Variants in ENOX1 observed in about 807,000 individuals in gnomAD.
ENOX1 encodes ecto-NOX disulfide-thiol exchanger 1.
In ENOX1, 42 loss-of-function variants were observed where a neutral mutation model predicts 82.5. The observed-to-expected ratio is 0.51, with a 90% CI of 0.40 to 0.66. The LOEUF is 0.66. ENOX1 is among the 30% of genes least tolerant of loss of function. The probability of loss-of-function intolerance (pLI) is 0.00; values close to 1 mark genes in which losing one functional copy is unlikely to be tolerated. For missense variants in ENOX1, 608 were observed against 811.6 expected (o/e 0.75, Z 3.05); for synonymous variants, 271 against 282.2 (o/e 0.96, Z 0.40).
At chr13:43,452,080 T>C (rs989240201) in intron 3 of ENOX1, among the ~76,000 whole-genome samples, 1 of 151,772 alleles carries the variant, frequency 6.6e-6, no homozygotes, top group African/African-American at 2.4e-5. Flanking sequence ...ACAGTACGTA[T>C]TAAATGCTTC....
intron 2 of ENOX1, among the ~76,000 whole-genome samples, chr13:43,507,924 C>CTA (rs1441518484): frequency 2.0e-5 from 3 of 151,888 alleles, no homozygotes; most frequent in Admixed American, 2.0e-4. Context: ...ATATTCATAC[C>CTA]TATATATTGA....
At chr13:43,679,529 T>C (rs749964478) in intron 1 of ENOX1, among the ~76,000 whole-genome samples, 12 of 152,192 alleles carry the variant, frequency 7.9e-5, no homozygotes, top group Non-Finnish European at 8.8e-5. Context: ...TATGTAACTT[T>C]TGTAATTAGT....
At chr13:43,326,281 A>T in intron 10 of ENOX1, 138 bp downstream of exon 10, 1 of 704,850 alleles carries the variant, frequency 1.4e-6, no homozygotes, top group Non-Finnish European at 2.5e-6. Flanking sequence ...TCTCAGCTGC[A>T]TTTGGAGCTG....
chr13:43,544,796 G>C (rs1479174193), intron 2 of ENOX1: 1 of 152,004 alleles, frequency 6.6e-6, no homozygotes, highest in African/African-American at 2.4e-5. Flanking sequence ...TCTCTGCTCT[G>C]GGAAGAAGCC....
In ENOX1 at chr13:43,746,726, G is replaced by A. The variant is rs368888846; in HGVS notation, c.-285+39926C>T. Among the ~76,000 whole-genome samples the A allele has an allele frequency of 1.8e-4, 28 of 152,140 alleles. No homozygotes were observed. The South Asian group carries it at 4.2e-3, about 23-fold the overall frequency. The stretch of plus-strand genomic sequence containing the variant: ...GTGAGGTTGAAAACTAGTGGGTAAC[G>A]GTGAATAAAACAGCACAAAGAAAAA... On this transcript the variant is annotated intron_variant, in intron 1 of 16. Transcript: ENST00000690772.
intron 1 of ENOX1, among the ~76,000 whole-genome samples, chr13:43,769,864 T>TA (rs1951489113): frequency 6.6e-6 from 1 of 152,208 alleles, no homozygotes; most frequent in Admixed American, 6.5e-5. Context: ...TTCAGAGACT[T>TA]AAAAACAAAA....
intron 2 of ENOX1, among the ~76,000 whole-genome samples, chr13:43,561,608 G>A (rs1838021582): frequency 6.6e-6 from 1 of 152,104 alleles, no homozygotes; most frequent in African/African-American, 2.4e-5. Context: ...AAGTTAGAGT[G>A]TGATGAAATC....
chr13:43,429,502 C>T (rs9562485), intron 3 of ENOX1, among the ~76,000 whole-genome samples: 26,137 of 152,046 alleles, frequency 0.17, 3,111 homozygotes, highest in African/African-American at 0.33. Context: ...TAGTTTGAGC[C>T]TGTGTGTGAC....
At chr13:43,294,406 G>A (rs9316006) in intron 12 of ENOX1, among the ~76,000 whole-genome samples, 150,399 of 152,322 alleles carry the variant, frequency 0.99, 74,293 homozygotes, top group East Asian at 1. Flanking sequence ...CTGCAAATTT[G>A]TGTGTAAATA....
chr13:43,658,979 T>G (rs1269971315), intron 2 of ENOX1, among the ~76,000 whole-genome samples: 1 of 152,210 alleles, frequency 6.6e-6, no homozygotes, highest in Non-Finnish European at 1.5e-5. Flanking sequence ...CTCCATTTTT[T>G]ATGTTCTCTG....
intron 3 of ENOX1, among the ~76,000 whole-genome samples, chr13:43,481,011 C>T (rs920504414): frequency 2.6e-5 from 4 of 152,108 alleles, no homozygotes; most frequent in Admixed American, 6.5e-5. Flanking sequence ...CCAGCATAAG[C>T]CTGATACCAA....
chr13:43,452,765 C>G (rs559617958), intron 3 of ENOX1, among the ~76,000 whole-genome samples: 1 of 152,134 alleles, frequency 6.6e-6, no homozygotes, highest in Non-Finnish European at 1.5e-5. Flanking sequence ...TCAAGTGATC[C>G]GCCTGCCTAA....
Position 43,359,838 on chromosome 13 carries a change from T to C in ENOX1, c.589+13A>G. On this transcript the variant is annotated intron_variant, in intron 7 of 16. Transcript: ENST00000690772. ...CAAAATGCCTAGAAAACTCCTTATG[T>C]AATGCAAAGTACCAGAAAGGTAAAT... is the stretch of plus-strand genomic sequence containing the variant. 1 of 1,611,984 alleles carries C rather than the reference T, an allele frequency of 6.2e-7. No homozygotes were observed. Among genetic ancestry groups the C allele is most frequent in the East Asian group, 2.2e-5 (1 of 44,876 alleles).
chr13:43,778,926 G>A (rs969022586), intron 1 of ENOX1, among the ~76,000 whole-genome samples: 2 of 152,164 alleles, frequency 1.3e-5, no homozygotes, highest in African/African-American at 4.8e-5. Flanking sequence ...TCTATGTCAT[G>A]CTGACTGTTT....
chr13:43,650,076 C>T (rs1027413), intron 2 of ENOX1, among the ~76,000 whole-genome samples: 45,395 of 152,108 alleles, frequency 0.3, 8,301 homozygotes, highest in South Asian at 0.41. Flanking sequence ...ACTTCTTCTA[C>T]AGCACAAAGA....
chr13:43,585,341 G>A (rs950991070), intron 2 of ENOX1, among the ~76,000 whole-genome samples: 5 of 152,156 alleles, frequency 3.3e-5, no homozygotes, highest in Admixed American at 6.5e-5. Flanking sequence ...CATTGAAACC[G>A]GTTTCAGACT....
chr13:43,421,701 T>C (rs1356802137), intron 3 of ENOX1, among the ~76,000 whole-genome samples: 4 of 152,170 alleles, frequency 2.6e-5, no homozygotes, highest in Admixed American at 6.5e-5. Flanking sequence ...CTTTCACTCA[T>C]ATTCTAGTTA....
intron 3 of ENOX1, among the ~76,000 whole-genome samples, chr13:43,470,685 A>T (rs532313829): frequency 6.6e-6 from 1 of 152,024 alleles, no homozygotes; most frequent in Admixed American, 6.6e-5. Context: ...AAAAACACAA[A>T]TAATCCAATT....
chr13:43,401,327 G>C (rs984891794), intron 5 of ENOX1, among the ~76,000 whole-genome samples: 1 of 152,144 alleles, frequency 6.6e-6, no homozygotes, highest in Non-Finnish European at 1.5e-5. Flanking sequence ...TATATGAAAT[G>C]ACGGTTTTCA....
Sources: gnomAD v4.1 joint callset for allele counts (sites outside exome capture counted in the v4.1 genomes callset) on GRCh38, gnomAD v4.1.1 for gene constraint, MANE v1.5 for transcripts, NCBI Gene and HGNC (gene_info 2026-07-23, HGNC 2026-07-21) for gene names.